The following BFAR variants were observed in gnomAD, a reference collection of about 807,000 sequenced individuals.
The protein encoded by BFAR is RING finger protein 47.
BFAR carries 52 observed loss-of-function variants against 54.4 expected under a neutral mutation model. The observed-to-expected ratio is 0.96, with a 90% CI of 0.77 to 1.21. BFAR has a LOEUF of 1.21. Among genes scored for constraint, BFAR ranks in the 50% most tolerant of loss-of-function variants. The pLI, the probability that BFAR is intolerant of heterozygous loss-of-function variation, is 0.00. For missense variants in BFAR, 571 were observed against 534.0 expected (o/e 1.07, Z -0.68); for synonymous variants, 215 against 204.3 (o/e 1.05, Z -0.45).
intron 4 of BFAR, among the ~76,000 whole-genome samples, chr16:14,653,628 G>A (rs541779613): frequency 6.6e-6 from 1 of 152,038 alleles, no homozygotes; most frequent in Non-Finnish European, 1.5e-5. Flanking sequence ...CCCCCAGCCA[G>A]AATTTGTGTT....
intron 1 of BFAR, among the ~76,000 whole-genome samples, chr16:14,640,043 T>C (rs1340438964): frequency 1.3e-5 from 2 of 151,082 alleles, no homozygotes; most frequent in Admixed American, 6.6e-5. Flanking sequence ...CCAGGCTACA[T>C]AGGAGGCTGA....
intron 6 of BFAR, among the ~76,000 whole-genome samples, chr16:14,662,401 G>T (rs1240725734): frequency 6.6e-6 from 1 of 152,106 alleles, no homozygotes; most frequent in Non-Finnish European, 1.5e-5. Flanking sequence ...TTTCAGCCTT[G>T]AATATAGTCT....
chr16:14,657,795 G>C (rs1033638705), intron 5 of BFAR, among the ~76,000 whole-genome samples: 1 of 152,124 alleles, frequency 6.6e-6, no homozygotes, highest in African/African-American at 2.4e-5. Context: ...GCCCGCCTCA[G>C]CCTCCCCAAA....
chr16:14,649,373 G>A (rs1959900109), intron 3 of BFAR, among the ~76,000 whole-genome samples: 1 of 152,156 alleles, frequency 6.6e-6, no homozygotes, highest in Non-Finnish European at 1.5e-5. Context: ...ACCACGCCTG[G>A]ACCTCCTTGG....
In BFAR at chr16:14,665,058, A is replaced by G. The variant is rs767696530; in HGVS notation, c.1147A>G (p.Arg383Gly). ...ATTCTCCTTTTGGAGAATCTGGTCG[A>G]GAAGTGAACTGAAGTAAGTATGTTT... ...ELFSFWRIWS[R>G]SELKTVPQRM... Residue 383 changes from arginine to glycine, a missense_variant, in exon 7 of 8, where the codon AGA becomes GGA. Transcript: ENST00000261658. The G allele has an allele frequency of 2.5e-6, 4 of 1,612,272 alleles. No individual in the cohort carries two copies. The highest frequency in any genetic ancestry group is 3.4e-6 in the Non-Finnish European group (4 of 1,178,276).
chr16:14,633,704 G>A (rs1466810202), intron 1 of BFAR, among the ~76,000 whole-genome samples: 25 of 152,178 alleles, frequency 1.6e-4, no homozygotes, highest in Admixed American at 1.6e-3. Context: ...CCAGGCTGGA[G>A]TGCGGTGGAG....
At chr16:14,648,246 C>A in intron 2 of BFAR, 142 bp from the exon 3 acceptor site, 1 of 661,652 alleles carries the variant, frequency 1.5e-6, no homozygotes, top group Non-Finnish European at 2.5e-6. Context: ...TTGCTTTTAC[C>A]CACAGGACTA....
intron 2 of BFAR, among the ~76,000 whole-genome samples, chr16:14,645,847 A>G (rs1028520489): frequency 2.0e-5 from 3 of 152,094 alleles, no homozygotes; most frequent in Non-Finnish European, 4.4e-5. Flanking sequence ...ATATACACAC[A>G]CATACACACA....
At chr16:14,665,364 TA>T (rs1438589198) in intron 7 of BFAR, among the ~76,000 whole-genome samples, 1 of 152,126 alleles carries the variant, frequency 6.6e-6, no homozygotes, top group Non-Finnish European at 1.5e-5. Context: ...AATCAAGGAA[TA>T]AGCAACTGAA....
intron 7 of BFAR, among the ~76,000 whole-genome samples, chr16:14,666,037 G>A (rs191928680): frequency 1.3e-5 from 2 of 152,262 alleles, no homozygotes; most frequent in East Asian, 3.9e-4. Flanking sequence ...TCTGCCTCAG[G>A]CATCTCTCTT....
rs531646101 is a variant in BFAR at position 14,650,929 on chromosome 16, C to T, written c.638+956C>T. 2.6e-5 allele frequency among the ~76,000 whole-genome samples: 4 copies of T among 152,284 alleles called. No individual in the cohort carries two copies. The South Asian group carries it at 8.3e-4, about 32-fold the overall frequency. ...AAACTATTTTCCACAGCAGCTACAC[C>T]GTTTAATGTCCATGACATTTAAATT... On this transcript the variant is annotated intron_variant, in intron 4 of 7. Coordinates refer to ENST00000261658, the MANE Select transcript of BFAR (RefSeq NM_016561.3).
At chr16:14,652,899 ACTGCCTGG>A (rs1960013898) in intron 4 of BFAR, among the ~76,000 whole-genome samples, 1 of 152,000 alleles carries the variant, frequency 6.6e-6, no homozygotes, top group African/African-American at 2.4e-5. Context: ...CACTTCACCC[ACTGCCTGG>A]CTGCCTGACT....
chr16:14,642,333 A>G (rs1174916178), intron 1 of BFAR, among the ~76,000 whole-genome samples: 3 of 152,166 alleles, frequency 2.0e-5, no homozygotes, highest in Non-Finnish European at 4.4e-5. Context: ...TGTGACCACC[A>G]TTTCACAGTT....
chr16:14,633,825 G>A (rs1347741734), intron 1 of BFAR, among the ~76,000 whole-genome samples: 1 of 152,060 alleles, frequency 6.6e-6, no homozygotes, highest in Non-Finnish European at 1.5e-5. Flanking sequence ...GCTGATTTTT[G>A]TATTTTTAGT....
intron 4 of BFAR, among the ~76,000 whole-genome samples, chr16:14,654,054 C>G (rs1450736679): frequency 2.7e-5 from 4 of 149,198 alleles, no homozygotes; most frequent in Non-Finnish European, 5.9e-5. Flanking sequence ...CTCTGTCACC[C>G]AGGCTGGAGT....
chr16:14,647,276 G>C (rs1959827735), intron 2 of BFAR, among the ~76,000 whole-genome samples: 1 of 151,680 alleles, frequency 6.6e-6, no homozygotes, highest in Non-Finnish European at 1.5e-5. Flanking sequence ...GTAGAAACAG[G>C]GTTTTACCAT....
chr16:14,662,080 T>C lies in BFAR; in HGVS notation c.957+15T>C, dbSNP rs1206378403. On this transcript the variant is annotated intron_variant, in intron 6 of 7. Coordinates refer to ENST00000261658, the MANE Select transcript of BFAR (RefSeq NM_016561.3). ...CCAAGCTTCTGGTAGGTCTGCACAG[T>C]GCCTGGAATAAAGTTATTCCACTGT... The C allele has an allele frequency of 6.2e-7, 1 of 1,613,496 alleles. No homozygotes were observed. Among genetic ancestry groups the C allele is most frequent in the Non-Finnish European group, 8.5e-7 (1 of 1,179,620 alleles).
chr16:14,656,819 C>A (rs556444983), intron 5 of BFAR, among the ~76,000 whole-genome samples: 2 of 151,542 alleles, frequency 1.3e-5, no homozygotes, highest in Admixed American at 1.3e-4. Context: ...GAACAAAGTC[C>A]TGTAATCCAT....
At chr16:14,662,903 G>T (rs569270982) in intron 6 of BFAR, among the ~76,000 whole-genome samples, 15 of 152,236 alleles carry the variant, frequency 9.9e-5, no homozygotes, top group African/African-American at 3.6e-4. Flanking sequence ...CCTTTTAAGG[G>T]CTCACAACTC....
Sources: allele counts gnomAD v4.1 joint callset (sites outside exome capture counted in the v4.1 genomes callset), GRCh38; gene constraint gnomAD v4.1.1; transcripts MANE v1.5; gene names NCBI Gene and HGNC (gene_info 2026-07-23, HGNC 2026-07-21).